Variants in SPIDR observed in about 807,000 individuals in gnomAD.
The protein encoded by SPIDR is scaffold protein involved in DNA repair.
A neutral mutation model predicts 104.6 loss-of-function variants in SPIDR; 93 were observed. That is an observed-to-expected ratio of 0.89 (90% CI 0.75 to 1.06). SPIDR has a LOEUF of 1.06. Among genes scored for constraint, SPIDR ranks in the 50% least tolerant of loss-of-function variants. SPIDR has a pLI of 0.00. For missense variants in SPIDR, 1,154 were observed against 1,111.2 expected (o/e 1.04, Z -0.55); for synonymous variants, 431 against 416.9 (o/e 1.03, Z -0.41).
intron 8 of SPIDR, among the ~76,000 whole-genome samples, chr8:47,505,341 G>A (rs756912329): frequency 1.3e-5 from 2 of 152,174 alleles, no homozygotes; most frequent in Non-Finnish European, 2.9e-5. Flanking sequence ...AATGGCGGGC[G>A]CCTCTCCCCA....
At chr8:47,418,822 G>A (rs1418762962) in intron 7 of SPIDR, among the ~76,000 whole-genome samples, 2 of 152,216 alleles carry the variant, frequency 1.3e-5, no homozygotes, top group Non-Finnish European at 2.9e-5. Context: ...AGAGTTTCTA[G>A]CATGAAGGTT....
chr8:47,382,141 A>G (rs782366219), intron 5 of SPIDR, among the ~76,000 whole-genome samples: 9 of 152,292 alleles, frequency 5.9e-5, no homozygotes, highest in East Asian at 3.9e-4. Context: ...TTAGACTTCA[A>G]TGTCTTCCTG....
At chr8:47,261,134 C>T (rs1189690670) in intron 1 of SPIDR, 143 bp downstream of exon 1, 15 of 1,014,786 alleles carry the variant, frequency 1.5e-5, no homozygotes, top group Non-Finnish European at 1.8e-5. Flanking sequence ...CGGGTCCCGT[C>T]TGCGCGCGTG....
chr8:47,571,428 A>G (rs545366929), intron 8 of SPIDR, among the ~76,000 whole-genome samples: 3 of 152,306 alleles, frequency 2.0e-5, no homozygotes, highest in South Asian at 2.1e-4. Context: ...TTTTATTTCA[A>G]TAAAGCTCAG....
chr8:47,332,920 G>T (rs1490824133), intron 5 of SPIDR, among the ~76,000 whole-genome samples: 2 of 142,646 alleles, frequency 1.4e-5, no homozygotes, highest in Non-Finnish European at 3.0e-5. Context: ...AGATGAGTAG[G>T]TTGCAAAAAT....
chr8:47,393,062 C>G (rs1215783225), intron 5 of SPIDR, among the ~76,000 whole-genome samples: 2 of 152,282 alleles, frequency 1.3e-5, no homozygotes, highest in Non-Finnish European at 2.9e-5. Context: ...GCCTTCACAT[C>G]CTGATTCTCA....
chr8:47,489,269 A>G (rs1554736106), intron 8 of SPIDR, among the ~76,000 whole-genome samples: 1 of 152,216 alleles, frequency 6.6e-6, no homozygotes, highest in Non-Finnish European at 1.5e-5. Context: ...CAAAAAGAAT[A>G]AAATACCTGG....
At chr8:47,590,093 G>A (rs563156753) in intron 8 of SPIDR, among the ~76,000 whole-genome samples, 1 of 151,286 alleles carries the variant, frequency 6.6e-6, no homozygotes, top group East Asian at 2.0e-4. Context: ...AGAATTGCTT[G>A]AACCCAGGTA....
intron 8 of SPIDR, among the ~76,000 whole-genome samples, chr8:47,584,586 A>G (rs2060072844): frequency 6.6e-6 from 1 of 152,216 alleles, no homozygotes; most frequent in Non-Finnish European, 1.5e-5. Context: ...AACACCTTGG[A>G]CTGGGCAGAA....
At chr8:47,621,900 G>A (rs2065224165) in intron 10 of SPIDR, among the ~76,000 whole-genome samples, 1 of 152,180 alleles carries the variant, frequency 6.6e-6, no homozygotes, top group Admixed American at 6.5e-5. Flanking sequence ...GGGAGGCGGA[G>A]GTTGCAGTGA....
At chr8:47,512,322 TCTACACA>T in intron 8 of SPIDR, among the ~76,000 whole-genome samples, 1 of 152,186 alleles carries the variant, frequency 6.6e-6, no homozygotes, top group Non-Finnish European at 1.5e-5. Flanking sequence ...TCTCACCCTG[TCTACACA>T]CTGTTGCCTA....
At chr8:47,557,707 A>G (rs2091483783) in intron 8 of SPIDR, among the ~76,000 whole-genome samples, 1 of 152,206 alleles carries the variant, frequency 6.6e-6, no homozygotes, top group African/African-American at 2.4e-5. Flanking sequence ...GGCCAACATT[A>G]TGTATAAGTA....
At chr8:47,379,453 C>T (rs2059064256) in intron 5 of SPIDR, among the ~76,000 whole-genome samples, 1 of 152,106 alleles carries the variant, frequency 6.6e-6, no homozygotes, top group Non-Finnish European at 1.5e-5. Flanking sequence ...TGTGGTACAC[C>T]TGGGAGGCGG....
At chr8:47,354,936 C>G (rs1298994864) in intron 5 of SPIDR, among the ~76,000 whole-genome samples, 5 of 152,078 alleles carry the variant, frequency 3.3e-5, no homozygotes, top group African/African-American at 1.2e-4. Context: ...AGCTACCACA[C>G]CAAGCCCTAA....
At chr8:47,430,619 G>A (rs971939648) in intron 7 of SPIDR, among the ~76,000 whole-genome samples, 2 of 152,196 alleles carry the variant, frequency 1.3e-5, no homozygotes, top group African/African-American at 4.8e-5. Flanking sequence ...CCACAGGATG[G>A]TTTAAAGGTG....
At chr8:47,275,474 A>T (rs989719939) in intron 1 of SPIDR, among the ~76,000 whole-genome samples, 3 of 152,072 alleles carry the variant, frequency 2.0e-5, no homozygotes, top group African/African-American at 7.2e-5. Flanking sequence ...TAAGAATAAT[A>T]TTTTCCATTC....
intron 8 of SPIDR, among the ~76,000 whole-genome samples, chr8:47,548,523 C>T (rs1365389856): frequency 6.6e-6 from 1 of 152,170 alleles, no homozygotes; most frequent in African/African-American, 2.4e-5. Flanking sequence ...TGACGGGTGC[C>T]TCTAATCCCA....
chr8:47,729,230 T>G (rs907402289), intron 18 of SPIDR, 182 bp from the exon 19 acceptor site: 1 of 1,450,764 alleles, frequency 6.9e-7, no homozygotes, highest in Non-Finnish European at 9.3e-7. Flanking sequence ...GGTGGGAGGA[T>G]GCACCCTATG....
At chr8:47,410,122 A>G (rs189133808) in intron 7 of SPIDR, among the ~76,000 whole-genome samples, 14 of 152,208 alleles carry the variant, frequency 9.2e-5, no homozygotes, top group Admixed American at 5.9e-4. Flanking sequence ...AAATACATAT[A>G]TATGTATCAG....
Sources: allele counts gnomAD v4.1 joint callset (sites outside exome capture counted in the v4.1 genomes callset), GRCh38; gene constraint gnomAD v4.1.1; transcripts MANE v1.5; gene names NCBI Gene and HGNC (gene_info 2026-07-23, HGNC 2026-07-21).